CCNY: variants seen among roughly 807,000 people sequenced by gnomAD.
The protein encoded by CCNY is cyclin-Y.
A neutral mutation model predicts 42.8 loss-of-function variants in CCNY; 19 were observed. The observed-to-expected ratio is 0.44, with a 90% CI of 0.31 to 0.65. CCNY has a LOEUF of 0.65. Among genes scored for constraint, CCNY ranks in the 30% least tolerant of loss-of-function variants. The probability of loss-of-function intolerance (pLI) is 0.07; values close to 1 mark genes in which losing one functional copy is unlikely to be tolerated. For synonymous variants in CCNY, 165 were observed against 162.7 expected, an observed-to-expected ratio of 1.01 and a Z score of -0.11; for missense variants, 370 against 437.3, an observed-to-expected ratio of 0.85 and a Z score of 1.37.
rs565167797 is a variant in CCNY, at chr10:35,300,326, C to T, written c.-9+49700C>T. ...CCCTGCCTGAGATGCCACGCCCTGC[C>T]TGAGTTCCCCTCCTGTATCACAATC... On this transcript the variant is annotated intron_variant, in intron 3 of 11. Transcript: ENST00000374706. 2.0e-5 allele frequency among the ~76,000 whole-genome samples: 3 copies of T among 152,234 alleles called. 1 individual carries two copies. The South Asian group carries it at 6.2e-4, about 32-fold the overall frequency.
At chr10:35,561,324 CT>C (rs1358669891) in intron 8 of CCNY, among the ~76,000 whole-genome samples, 37 of 152,340 alleles carry the variant, frequency 2.4e-4, no homozygotes, top group African/African-American at 8.2e-4. Flanking sequence ...CTATCAAGGG[CT>C]GCCCTGCTGC....
Position 35,380,037 on chromosome 10 carries a change from C to T in CCNY, c.154+42830C>T, listed in dbSNP as rs79720104. Among the ~76,000 whole-genome samples, 772 of 152,276 alleles carry T rather than the reference C, an allele frequency of 5.1e-3. 6 individuals are homozygous for T. The highest frequency in any genetic ancestry group is 0.01 in the Middle Eastern group (3 of 294). ...TGTATGGGAGGACTACTTTGTGTTT[C>T]GAACGTTTGGACTTGGAACACTGTC... On this transcript the variant is annotated intron_variant, in intron 1 of 9. Transcript: ENST00000374704.
At chr10:35,392,769 G>T (rs1179035993) in intron 1 of CCNY, among the ~76,000 whole-genome samples, 1 of 152,156 alleles carries the variant, frequency 6.6e-6, no homozygotes. Flanking sequence ...CAGGACTGGT[G>T]GGAAGGTTTG....
At chr10:35,402,114 T>C (rs1837658005) in intron 1 of CCNY, among the ~76,000 whole-genome samples, 2 of 152,140 alleles carry the variant, frequency 1.3e-5, no homozygotes, top group South Asian at 4.1e-4. Context: ...TAATGGGCGA[T>C]GTTTCTCAGG....
chr10:35,557,968 A>G (rs1841393247), intron 8 of CCNY, among the ~76,000 whole-genome samples: 1 of 152,202 alleles, frequency 6.6e-6, no homozygotes, highest in South Asian at 2.1e-4. Context: ...TCAGATGAGT[A>G]GGTGAAATTT....
At chr10:35,455,684 A>G (rs1360380193) in intron 1 of CCNY, among the ~76,000 whole-genome samples, 4 of 152,122 alleles carry the variant, frequency 2.6e-5, no homozygotes, top group African/African-American at 9.7e-5. Flanking sequence ...TCTTGAGAGA[A>G]CATGAACCAG....
At chr10:35,331,531 A>C (rs2504362), upstream of CCNY, among the ~76,000 whole-genome samples, 1 of 151,776 alleles carries the variant, frequency 6.6e-6, no homozygotes, top group Admixed American at 6.6e-5. Flanking sequence ...TCAACAAATG[A>C]TTTACTTAGG....
chr10:35,256,791 T>C (rs1340016431), intron 3 of CCNY, among the ~76,000 whole-genome samples: 1 of 151,406 alleles, frequency 6.6e-6, no homozygotes, highest in African/African-American at 2.4e-5. Context: ...AGGTCCTCAC[T>C]CCTCTTGATT....
chr10:35,388,680 C>T (rs1447313166), intron 1 of CCNY, among the ~76,000 whole-genome samples: 1 of 152,178 alleles, frequency 6.6e-6, no homozygotes, highest in African/African-American at 2.4e-5. Flanking sequence ...CTGCTGCTGC[C>T]ACAACAAATT....
chr10:35,411,191 G>A (rs1589102357), intron 1 of CCNY, among the ~76,000 whole-genome samples: 1 of 152,250 alleles, frequency 6.6e-6, no homozygotes, highest in East Asian at 1.9e-4. Context: ...GAATGGTTGA[G>A]GGTTTAAGTG....
intron 1 of CCNY, among the ~76,000 whole-genome samples, chr10:35,427,944 A>G (rs945214098): frequency 6.6e-6 from 1 of 150,486 alleles, no homozygotes; most frequent in Non-Finnish European, 1.5e-5. Flanking sequence ...AGGACATCCA[A>G]CTCCTCCCCT....
At chr10:35,433,412 A>G (rs1253633729) in intron 1 of CCNY, among the ~76,000 whole-genome samples, 2 of 152,168 alleles carry the variant, frequency 1.3e-5, no homozygotes, top group Non-Finnish European at 2.9e-5. Context: ...CTTCAGTACC[A>G]TAAGAAGATT....
intron 4 of CCNY, among the ~76,000 whole-genome samples, chr10:35,518,420 C>T (rs1392079827): frequency 6.6e-6 from 1 of 152,014 alleles, no homozygotes; most frequent in East Asian, 1.9e-4. Context: ...TTGAATCTGG[C>T]TGAGGTATAC....
chr10:35,374,222 C>T (rs978250098), intron 1 of CCNY, among the ~76,000 whole-genome samples: 3 of 152,114 alleles, frequency 2.0e-5, no homozygotes, highest in Non-Finnish European at 4.4e-5. Context: ...GTGAAGTGTA[C>T]ATATTATATA....
intron 3 of CCNY, among the ~76,000 whole-genome samples, chr10:35,272,580 T>C (rs929707670): frequency 1.3e-5 from 2 of 152,230 alleles, no homozygotes; most frequent in Non-Finnish European, 2.9e-5. Context: ...TGTATCTGTG[T>C]TCCTGCAAAG....
chr10:35,516,661 CTTTTTT>C lies in CCNY; in HGVS notation c.365+60_365+65del, dbSNP rs35268084. 855 of 326,836 alleles carry C rather than the reference CTTTTTT, an allele frequency of 2.6e-3. 1 individual carries two copies. Among genetic ancestry groups the C allele is most frequent in the African/African-American group, 5.5e-3 (112 of 20,292 alleles). The allele number at this position is 326,836 out of a possible 1,614,324, so 20.2% of individuals were successfully genotyped here. ...ATTTATTTCCTTCCTTCCTTCCTTC[CTTTTTT>C]TTTTTTTTTTTTTTTTTTTTTACTT... On this transcript the variant is annotated intron_variant, in intron 4 of 9. Transcript: ENST00000374704.
intron 3 of CCNY, among the ~76,000 whole-genome samples, chr10:35,261,147 T>C: frequency 6.6e-6 from 1 of 151,836 alleles, no homozygotes; most frequent in Non-Finnish European, 1.5e-5. Flanking sequence ...CTGAATAGCT[T>C]TGGCAGGTTG....
At chr10:35,273,712 C>T (rs1056979062) in intron 3 of CCNY, among the ~76,000 whole-genome samples, 8 of 152,160 alleles carry the variant, frequency 5.3e-5, no homozygotes, top group African/African-American at 9.7e-5. Context: ...TCAACTCTCG[C>T]GAACCACTTG....
chr10:35,332,954 G>C (rs1259466084), upstream of CCNY, among the ~76,000 whole-genome samples: 2 of 152,136 alleles, frequency 1.3e-5, no homozygotes, highest in Non-Finnish European at 2.9e-5. Flanking sequence ...CTTCAACAGT[G>C]ATCATGGAGA....
Sources: allele counts gnomAD v4.1 joint callset (sites outside exome capture counted in the v4.1 genomes callset), GRCh38; gene constraint gnomAD v4.1.1; transcripts MANE v1.5; gene names NCBI Gene and HGNC (gene_info 2026-07-23, HGNC 2026-07-21).